Variants in ARHGAP12 observed in about 807,000 individuals in gnomAD.
ARHGAP12 encodes the protein Rho GTPase activating protein 12.
ARHGAP12 carries 64 observed loss-of-function variants against 108.6 expected under a neutral mutation model. The observed-to-expected ratio is 0.59, with a 90% CI of 0.48 to 0.73. The LOEUF is 0.73. Among genes scored for constraint, ARHGAP12 ranks in the 30% least tolerant of loss-of-function variants. ARHGAP12 has a pLI of 0.00. For missense variants in ARHGAP12, 940 were observed against 1,005.9 expected (o/e 0.93, Z 0.89); for synonymous variants, 312 against 337.2 (o/e 0.93, Z 0.82).
At chr10:31,824,328 T>G (rs1447681173) in intron 11 of ARHGAP12, among the ~76,000 whole-genome samples, 1 of 152,190 alleles carries the variant, frequency 6.6e-6, no homozygotes, top group African/African-American at 2.4e-5. Flanking sequence ...CTGATTATAT[T>G]AATACTATAT....
chr10:31,813,157 C>T (rs1463338122), intron 14 of ARHGAP12, among the ~76,000 whole-genome samples: 1 of 151,994 alleles, frequency 6.6e-6, no homozygotes, highest in Non-Finnish European at 1.5e-5. Flanking sequence ...TTTATTGATT[C>T]TCCATCAGTT....
At chr10:31,820,575 CAAT>C (rs1229264712) in intron 11 of ARHGAP12, 87 bp from the exon 12 acceptor site, 2 of 654,670 alleles carry the variant, frequency 3.1e-6, no homozygotes, top group Non-Finnish European at 4.7e-6. Flanking sequence ...TTTATATTAA[CAAT>C]AAATCAAATA....
At chr10:31,900,170 T>C (rs79704285) in intron 3 of ARHGAP12, among the ~76,000 whole-genome samples, 3,317 of 152,264 alleles carry the variant, frequency 0.022, 131 homozygotes, top group African/African-American at 0.076. Context: ...ATGAGATACT[T>C]TACATGTATT....
At chr10:31,855,247 T>A (rs754711665) in intron 4 of ARHGAP12, among the ~76,000 whole-genome samples, 14 of 152,166 alleles carry the variant, frequency 9.2e-5, no homozygotes, top group Non-Finnish European at 1.8e-4. Flanking sequence ...TTAGAAACTT[T>A]TGATGCCTAC....
chr10:31,926,801 T>A (rs1169471257), intron 1 of ARHGAP12, among the ~76,000 whole-genome samples: 1 of 152,258 alleles, frequency 6.6e-6, no homozygotes, highest in East Asian at 1.9e-4. Context: ...AGTAACATGC[T>A]GTTTTTCTAC....
intron 3 of ARHGAP12, among the ~76,000 whole-genome samples, chr10:31,884,117 T>C (rs1838099707): frequency 6.6e-6 from 1 of 150,810 alleles, no homozygotes; most frequent in Non-Finnish European, 1.5e-5. Context: ...AAAAAAAGAA[T>C]TTAATTCTAC....
In ARHGAP12 at chr10:31,806,174, A is replaced by C. The variant is rs1372369514; in HGVS notation, c.*1484T>G. ...CATGGAAGAGAGGAGAAAAGGTATGAAATGAGGAAAGTGTTATTTGCCACA... is the reference window on the plus strand; with the variant it reads ...CATGGAAGAGAGGAGAAAAGGTATGCAATGAGGAAAGTGTTATTTGCCACA... On this transcript the variant is annotated 3_prime_UTR_variant, in exon 20 of 20. Transcript: ENST00000344936. The C allele has an allele frequency of 6.6e-6, 1 of 152,208 alleles. No individual in the cohort carries two copies. Among genetic ancestry groups the C allele is most frequent in the Non-Finnish European group, 1.5e-5 (1 of 68,038 alleles). The allele number at this position is 152,208 out of a possible 1,614,324, so 9.4% of individuals were successfully genotyped here.
intron 3 of ARHGAP12, among the ~76,000 whole-genome samples, chr10:31,900,161 T>C (rs990320197): frequency 2.6e-5 from 4 of 152,136 alleles, no homozygotes; most frequent in Non-Finnish European, 4.4e-5. Flanking sequence ...ACTAAAACAA[T>C]GAGATACTTT....
intron 1 of ARHGAP12, among the ~76,000 whole-genome samples, chr10:31,928,092 C>T (rs976849546): frequency 6.6e-6 from 1 of 152,094 alleles, no homozygotes. Flanking sequence ...GGGTGGGCTC[C>T]CCGGGTGGGT....
chr10:31,851,486 A>G (rs1183963210), intron 6 of ARHGAP12, among the ~76,000 whole-genome samples: 1 of 152,200 alleles, frequency 6.6e-6, no homozygotes, highest in Non-Finnish European at 1.5e-5. Flanking sequence ...GTTCCATGAG[A>G]TTACAAAACT....
rs769262066 is a variant in ARHGAP12 at position 31,814,344 on chromosome 10, T to G, written c.1749A>C (p.Glu583Asp). The G allele has an allele frequency of 5.1e-5, 83 of 1,613,338 alleles. No homozygotes were observed. Among genetic ancestry groups the G allele is most frequent in the Non-Finnish European group, 6.6e-5 (78 of 1,179,422 alleles). The change falls in exon 14 of 20, where the codon GAA becomes GAC. Residue 583 changes from glutamate to aspartate, a missense_variant. Physicochemically the swap from Glu to Asp is conservative, Grantham distance 45. Coordinates refer to ENST00000344936, the MANE Select transcript of ARHGAP12 (RefSeq NM_018287.7). Reference sequence around the variant, plus strand: ...AATCCGGTATCTCCTCTTCAATTCCTTCATCAGTTTCTACTGCCTATTGGT... The same window carrying G: ...AATCCGGTATCTCCTCTTCAATTCCGTCATCAGTTTCTACTGCCTATTGGT... ...TINNQAVETD[E>D]GIEEEIPDSP...
In ARHGAP12 at chr10:31,843,570, T is replaced by C. The variant is rs755068901; in HGVS notation, c.1187A>G (p.Gln396Arg). The C allele has an allele frequency of 1.7e-5, 27 of 1,606,816 alleles. No homozygotes were observed. The highest frequency in any genetic ancestry group is 6.9e-5 in the Admixed American group (4 of 57,636). ...WELPKYNASS[Q>R]QQREIIKSRS... is the part of the protein sequence containing the mutation. The stretch of plus-strand genomic sequence containing the variant: ...ACTTTTAATTATTTCTCTTTGCTGC[T>C]GGGATGAAGCATTATACTAAAACAA... The change falls in exon 7 of 20, where the codon CAG (glutamine) becomes CGG (arginine). Residue 396 changes from glutamine (Q) to arginine (R), a missense_variant. By Grantham distance (43) the Gln-to-Arg change is conservative. Coordinates refer to ENST00000344936, the MANE Select transcript of ARHGAP12 (RefSeq NM_018287.7).
intron 3 of ARHGAP12, among the ~76,000 whole-genome samples, chr10:31,905,624 T>C (rs1839103573): frequency 6.6e-6 from 1 of 151,418 alleles, no homozygotes; most frequent in Admixed American, 6.6e-5. Context: ...TTTACTAAGA[T>C]GAGAAAAACA....
intron 6 of ARHGAP12, among the ~76,000 whole-genome samples, chr10:31,844,274 G>A (rs1252145185): frequency 6.6e-6 from 1 of 152,098 alleles, no homozygotes; most frequent in Non-Finnish European, 1.5e-5. Flanking sequence ...TCTTGTTCAA[G>A]AAATCTTTCC....
intron 11 of ARHGAP12, among the ~76,000 whole-genome samples, chr10:31,822,039 T>G (rs1464204648): frequency 6.6e-6 from 1 of 151,364 alleles, no homozygotes; most frequent in African/African-American, 2.4e-5. Flanking sequence ...AAATAAGATA[T>G]AGCAATTAAA....
At chr10:31,904,482 G>A (rs1415230685) in intron 3 of ARHGAP12, among the ~76,000 whole-genome samples, 3 of 152,148 alleles carry the variant, frequency 2.0e-5, no homozygotes, top group Admixed American at 6.6e-5. Context: ...CTGTAAAAGG[G>A]CAACATACAG....
At chr10:31,916,506 A>T (rs1839563462) in intron 1 of ARHGAP12, among the ~76,000 whole-genome samples, 2 of 152,182 alleles carry the variant, frequency 1.3e-5, no homozygotes, top group Admixed American at 6.5e-5. Context: ...CAAAACTTAA[A>T]CAGTTCAGCA....
At chr10:31,872,449 T>C (rs1337681950) in intron 3 of ARHGAP12, among the ~76,000 whole-genome samples, 1 of 152,152 alleles carries the variant, frequency 6.6e-6, no homozygotes, top group African/African-American at 2.4e-5. Context: ...AATAATACTA[T>C]CATAAACTCC....
intron 3 of ARHGAP12, among the ~76,000 whole-genome samples, chr10:31,867,938 A>C (rs1370422816): frequency 2.0e-5 from 3 of 152,094 alleles, no homozygotes; most frequent in African/African-American, 2.4e-5. Context: ...AGTGGCTTAC[A>C]CCTGTAATCC....
Sources: gnomAD v4.1 joint callset for allele counts (sites outside exome capture counted in the v4.1 genomes callset) on GRCh38, gnomAD v4.1.1 for gene constraint, MANE v1.5 for transcripts, NCBI Gene and HGNC (gene_info 2026-07-23, HGNC 2026-07-21) for gene names.